Variants in NDUFC2 observed in about 807,000 individuals in gnomAD.
The protein encoded by NDUFC2 is NADH dehydrogenase [ubiquinone] 1 subunit C2.
NDUFC2 carries 2 observed loss-of-function variants against 10.1 expected under a neutral mutation model. The observed-to-expected ratio is 0.20, with a 90% CI of 0.08 to 0.62. The LOEUF (loss-of-function observed/expected upper bound fraction) is 0.62, where lower values mean the gene tolerates loss of function less well. NDUFC2 is among the 20% of genes least tolerant of loss of function. The pLI is 0.87. For missense variants in NDUFC2, 156 were observed against 159.6 expected (o/e 0.98, Z 0.12); for synonymous variants, 61 against 63.6 (o/e 0.96, Z 0.20).
At chr11:78,070,090 G>C in intron 2 of NDUFC2, 54 bp from the exon 3 acceptor site, 1 of 1,309,326 alleles carries the variant, frequency 7.6e-7, no homozygotes, top group East Asian at 2.5e-5. Context: ...TTTAAAAATT[G>C]TATTTCCTAA....
intron 2 of NDUFC2, 51 bp from the exon 3 acceptor site, chr11:78,070,087 A>T: frequency 3.0e-6 from 4 of 1,334,608 alleles, no homozygotes; most frequent in Non-Finnish European, 4.2e-6. Context: ...TGTTTTAAAA[A>T]TTGTATTTCC....
chr11:78,078,727 G>GTTTTTTTTTTTTTTT (rs1565334734), intron 1 of NDUFC2, among the ~76,000 whole-genome samples: 1 of 19,742 alleles, frequency 5.1e-5, no homozygotes, highest in Non-Finnish European at 1.1e-4. Context: ...ATCAGGATCC[G>GTTTTTTTTTTTTTTT]CTTTTTTTTT....
chr11:78,078,297 G>A (rs537419), intron 1 of NDUFC2, among the ~76,000 whole-genome samples: 1 of 152,276 alleles, frequency 6.6e-6, no homozygotes, highest in East Asian at 1.9e-4. Flanking sequence ...TGACTGCCTA[G>A]AAAATAAATT....
chr11:78,077,207 G>A (rs915774402), intron 1 of NDUFC2, among the ~76,000 whole-genome samples: 1 of 151,800 alleles, frequency 6.6e-6, no homozygotes, highest in Non-Finnish European at 1.5e-5. Context: ...TAGGAGGATC[G>A]CCTGAGCCCA....
intron 1 of NDUFC2, among the ~76,000 whole-genome samples, chr11:78,076,265 C>G (rs967435454): frequency 6.6e-6 from 1 of 152,118 alleles, no homozygotes; most frequent in Non-Finnish European, 1.5e-5. Context: ...CCTCTGCCTC[C>G]CGAGTAGCTG....
chr11:78,079,720 G>C lies in NDUFC2; in HGVS notation c.25C>G (p.Pro9Ala). The change falls in exon 1 of 3, where the codon CCC becomes GCC. Residue 9 changes from proline to alanine, a missense_variant. Coordinates refer to ENST00000281031, the MANE Select transcript of NDUFC2 (RefSeq NM_004549.6). ...GCCTCATCCGGCAGAAACCGTAAGGGTTCTGGGTTCCGCCGTGCGATCATG... is the reference window on the plus strand; with the variant it reads ...GCCTCATCCGGCAGAAACCGTAAGGCTTCTGGGTTCCGCCGTGCGATCATG... MIARRNPE[P>A]LRFLPDEARS... The C allele has an allele frequency of 6.2e-7, 1 of 1,608,968 alleles. No individual in the cohort carries two copies. Among genetic ancestry groups the C allele is most frequent in the Non-Finnish European group, 8.5e-7 (1 of 1,178,134 alleles).
At chr11:78,070,863 A>G (rs1420115057) in intron 2 of NDUFC2, among the ~76,000 whole-genome samples, 1 of 152,218 alleles carries the variant, frequency 6.6e-6, no homozygotes, top group African/African-American at 2.4e-5. Context: ...TGAGCCCTGA[A>G]GCTATACACA....
At chr11:78,077,709 C>T (rs540129929) in intron 1 of NDUFC2, among the ~76,000 whole-genome samples, 2 of 152,242 alleles carry the variant, frequency 1.3e-5, no homozygotes, top group South Asian at 4.1e-4. Context: ...GTGCACATCA[C>T]CATGCCTGGC....
Position 78,079,690 on chromosome 11 carries a change from T to TC in NDUFC2, c.54dup (p.Ser19GlufsTer26), listed in dbSNP as rs1859437539. 1 of 1,609,708 alleles carries TC rather than the reference T, an allele frequency of 6.2e-7. No individual in the cohort carries two copies. Among genetic ancestry groups the TC allele is most frequent in the Non-Finnish European group, 8.5e-7 (1 of 1,178,496 alleles). ...TCGGTCAGCTTGGGCGGGGGCAGGC[T>TC]CCGGGCCTCATCCGGCAGAAACCGT... On this transcript the variant is annotated frameshift_variant, in exon 1 of 3. Coordinates refer to ENST00000281031, the MANE Select transcript of NDUFC2 (RefSeq NM_004549.6). LOFTEE classifies it high-confidence loss of function.
intron 2 of NDUFC2, chr11:78,072,757 C>G (rs1452609025): frequency 1.8e-6 from 1 of 568,324 alleles, no homozygotes; most frequent in African/African-American, 1.9e-5. Context: ...TTCTCTGAAG[C>G]AGGACACAGA....
intron 1 of NDUFC2, among the ~76,000 whole-genome samples, chr11:78,073,901 T>C (rs1859132527): frequency 6.6e-6 from 1 of 150,902 alleles, no homozygotes; most frequent in Non-Finnish European, 1.5e-5. Flanking sequence ...AGACAGGGTC[T>C]AGCTCTGTCG....
intron 1 of NDUFC2, among the ~76,000 whole-genome samples, chr11:78,074,925 AGAT>A (rs1859178829): frequency 6.6e-6 from 1 of 152,168 alleles, no homozygotes; most frequent in Non-Finnish European, 1.5e-5. Context: ...TAAGCGTTCG[AGAT>A]GATGATGTCA....
chr11:78,079,713 CG>C lies in NDUFC2; in HGVS notation c.31del (p.Arg11GlyfsTer15). 2 of 1,610,220 alleles carry C rather than the reference CG, an allele frequency of 1.2e-6. No individual in the cohort carries two copies. The highest frequency in any genetic ancestry group is 1.7e-6 in the Non-Finnish European group (2 of 1,178,524). Reference protein sequence around the residue: MIARRNPEPLRFLPDEARSLP... With the variant: MIARRNPEPLXFLPDEARSLP... ...GCTCCGGGCCTCATCCGGCAGAAAC[CG>C]TAAGGGTTCTGGGTTCCGCCGTGCG... is the stretch of plus-strand genomic sequence containing the variant. On this transcript the variant is annotated frameshift_variant, in exon 1 of 3. Transcript: ENST00000281031. LOFTEE classifies it high-confidence loss of function.
intron 1 of NDUFC2, among the ~76,000 whole-genome samples, chr11:78,079,124 A>AAC (rs1018334705): frequency 6.6e-6 from 1 of 151,598 alleles, no homozygotes; most frequent in Non-Finnish European, 1.5e-5. Context: ...AAAAAAAAAA[A>AAC]AAACCAAGCT....
intron 1 of NDUFC2, among the ~76,000 whole-genome samples, chr11:78,078,349 C>T (rs1413583903): frequency 1.3e-5 from 2 of 152,188 alleles, no homozygotes; most frequent in African/African-American, 4.8e-5. Context: ...TTATCTAAAC[C>T]TGAACACTCA....
Position 78,079,769 on chromosome 11 carries a change from C to T in NDUFC2, c.-25G>A. The T allele has an allele frequency of 6.3e-7, 1 of 1,596,404 alleles. No individual in the cohort carries two copies. Among genetic ancestry groups the T allele is most frequent in the African/African-American group, 1.4e-5 (1 of 73,844 alleles). On this transcript the variant is annotated 5_prime_UTR_variant, in exon 1 of 3. Transcript: ENST00000281031. ...TGGTGACGCCGTTTCCACTTGAGGCCTGGTCTCAGACCACGAACTACAAGG... is the reference window on the plus strand; with the variant it reads ...TGGTGACGCCGTTTCCACTTGAGGCTTGGTCTCAGACCACGAACTACAAGG...
At chr11:78,074,022 C>A (rs993467822) in intron 1 of NDUFC2, among the ~76,000 whole-genome samples, 1 of 149,998 alleles carries the variant, frequency 6.7e-6, no homozygotes. Flanking sequence ...AAAGCGTGCA[C>A]CACCATGCCT....
chr11:78,078,636 TTCAAACCGTGGTCC>T (rs1439128577), intron 1 of NDUFC2, among the ~76,000 whole-genome samples: 1 of 151,812 alleles, frequency 6.6e-6, no homozygotes, highest in Non-Finnish European at 1.5e-5. Flanking sequence ...GAGCCTCCTA[TTCAAACCGTGGTCC>T]TCAGACCAGC....
intron 2 of NDUFC2, among the ~76,000 whole-genome samples, chr11:78,072,322 C>A (rs1016945490): frequency 3.3e-5 from 5 of 152,180 alleles, no homozygotes; most frequent in Non-Finnish European, 5.9e-5. Context: ...GGCTTACAGG[C>A]ACCCGCCATC....
Sources: gnomAD v4.1 joint callset for allele counts (sites outside exome capture counted in the v4.1 genomes callset) on GRCh38, gnomAD v4.1.1 for gene constraint, MANE v1.5 for transcripts, NCBI Gene and HGNC (gene_info 2026-07-23, HGNC 2026-07-21) for gene names.